The following MTMR9 variants were observed in gnomAD, a reference collection of about 807,000 sequenced individuals.
The protein encoded by MTMR9 is myotubularin-related protein 9.
Under a neutral mutation model 69.5 loss-of-function variants are expected in MTMR9, and 39 were observed. That is an observed-to-expected ratio of 0.56 (90% CI 0.43 to 0.73). The LOEUF (loss-of-function observed/expected upper bound fraction) is 0.73, where lower values mean the gene tolerates loss of function less well. MTMR9 is among the 30% of genes least tolerant of loss of function. MTMR9 has a pLI of 0.00. For missense variants in MTMR9, 900 were observed against 671.2 expected (o/e 1.34, Z -3.77); for synonymous variants, 354 against 240.8 (o/e 1.47, Z -4.35).
Position 11,314,986 on chromosome 8 carries a change from C to T in MTMR9, c.1035C>T (p.Ser345=), listed in dbSNP as rs1185283527. The T allele has an allele frequency of 6.2e-7, 1 of 1,614,074 alleles. No homozygotes were observed. The highest frequency in any genetic ancestry group is 8.5e-7 in the Non-Finnish European group (1 of 1,179,946). The change falls in exon 7 of 10, where the codon TCC becomes TCT. Residue 345 remains serine, a synonymous_variant. Transcript: ENST00000221086. The stretch of plus-strand genomic sequence containing the variant: ...CTGATTCCACACTCCAGGTGACCTC[C>T]TTGGCCCAGATCATCTTAGAGCCAA... ...EGTDSTLQVT[S]LAQIILEPRS...
intron 3 of MTMR9, among the ~76,000 whole-genome samples, chr8:11,302,602 T>C (rs1799789767): frequency 6.6e-6 from 1 of 152,166 alleles, no homozygotes; most frequent in South Asian, 2.1e-4. Flanking sequence ...TGATAAAGGA[T>C]GGGTACCAAA....
At chr8:11,306,467 C>G in intron 5 of MTMR9, 60 bp downstream of exon 5, 1 of 1,458,504 alleles carries the variant, frequency 6.9e-7, no homozygotes, top group Non-Finnish European at 9.5e-7. Flanking sequence ...TGGGTAAGGC[C>G]TTAGCCATTT....
chr8:11,287,652 TAAATA>T (rs568081252), intron 1 of MTMR9, among the ~76,000 whole-genome samples: 392 of 143,658 alleles, frequency 2.7e-3, no homozygotes, highest in African/African-American at 0.01. Context: ...AGTCCAGAAA[TAAATA>T]TATATATTTA....
chr8:11,331,355 T>C, downstream of MTMR9: 2 of 1,613,974 alleles, frequency 1.2e-6, no homozygotes, highest in Admixed American at 1.7e-5. Flanking sequence ...ACCTCCCTAT[T>C]GCCCTGCTAC....
intron 4 of MTMR9, among the ~76,000 whole-genome samples, chr8:11,305,683 C>T (rs1032000364): frequency 2.6e-5 from 4 of 152,144 alleles, no homozygotes; most frequent in Middle Eastern, 3.2e-3. Flanking sequence ...TGGTAGAGGC[C>T]ACTGGAGAAT....
rs962749939 is a variant in MTMR9, at chr8:11,324,495, C to CATCTTAGTT, written c.*1708_*1716dup. The CATCTTAGTT allele has an allele frequency of 2.7e-5, 4 of 147,272 alleles. No homozygotes were observed. Among genetic ancestry groups the CATCTTAGTT allele is most frequent in the African/African-American group, 7.6e-5 (3 of 39,418 alleles). 9.1% of individuals were successfully genotyped at this position (147,272 alleles called of 1,614,324 possible). The stretch of plus-strand genomic sequence containing the variant: ...GTAGCTCTGCGTTGTGTGAAATGTC[C>CATCTTAGTT]ATCTTAGTTTTGTTAAAAAAAAAAA... On this transcript the variant is annotated 3_prime_UTR_variant, in exon 10 of 10. Coordinates refer to ENST00000221086, the MANE Select transcript of MTMR9 (RefSeq NM_015458.4).
chr8:11,303,575 C>A (rs1198319013), intron 3 of MTMR9, among the ~76,000 whole-genome samples: 1 of 151,806 alleles, frequency 6.6e-6, no homozygotes, highest in Non-Finnish European at 1.5e-5. Context: ...CTCCAGTTGC[C>A]CAGGCTGGAG....
intron 1 of MTMR9, 176 bp downstream of exon 1, chr8:11,285,246 G>A: frequency 6.8e-6 from 4 of 592,012 alleles, no homozygotes; most frequent in Non-Finnish European, 8.6e-6. Flanking sequence ...TGGAGGACCC[G>A]GTTTCCATTA....
rs761037701 is a variant in MTMR9 at position 11,314,943 on chromosome 8, T to C, written c.992T>C (p.Ile331Thr). The stretch of plus-strand genomic sequence containing the variant: ...ATCAGGGAAGGAGCATCAATATTGA[T>C]TCACGGAACAGAAGGAACTGATTCC... ...CIDREGASIL[I>T]HGTEGTDSTL... Residue 331 changes from isoleucine (I) to threonine (T), a missense_variant, in exon 7 of 10, where the codon ATT becomes ACT. Physicochemically the swap from Ile to Thr is moderately conservative, Grantham distance 89 (BLOSUM62 -1). Transcript: ENST00000221086. 6.2e-7 allele frequency: 1 copy of C among 1,613,864 alleles called. No homozygotes were observed. Among genetic ancestry groups the C allele is most frequent in the African/African-American group, 1.3e-5 (1 of 75,028 alleles).
chr8:11,333,706 G>C, the MTMR9 span, among the ~76,000 whole-genome samples: 1 of 152,166 alleles, frequency 6.6e-6, no homozygotes, highest in South Asian at 2.1e-4. Context: ...CTATGTTAGG[G>C]AGCTTGTTAC....
intron 2 of MTMR9, among the ~76,000 whole-genome samples, chr8:11,298,319 A>G (rs1014795757): frequency 2.6e-5 from 4 of 152,070 alleles, no homozygotes; most frequent in African/African-American, 9.7e-5. Flanking sequence ...TCAGACATGG[A>G]CGCTGGCTGT....
At position 11,319,836 on chromosome 8, in the gene MTMR9, A is replaced by G. The variant is rs746478033; in HGVS notation, c.1484A>G (p.Glu495Gly). 6.2e-7 allele frequency: 1 copy of G among 1,613,992 alleles called. No homozygotes were observed. Among genetic ancestry groups the G allele is most frequent in the Admixed American group, 1.7e-5 (1 of 59,988 alleles). The stretch of plus-strand genomic sequence containing the variant: ...GCTCCGCAGAGTCTTCCACTGTGGG[A>G]AGGTAAACCACGCATCCTTTGCAAA... ...SVAPQSLPLW[E>G]GIFLRWNRSS... Residue 495 changes from glutamate (E) to glycine (G), a missense_variant and splice_region_variant, in exon 9 of 10, where the codon GAA becomes GGA. Glu to Gly is a moderately conservative substitution (Grantham distance 98). Coordinates refer to ENST00000221086, the MANE Select transcript of MTMR9 (RefSeq NM_015458.4).
chr8:11,296,517 C>G (rs889468358), intron 2 of MTMR9, among the ~76,000 whole-genome samples: 9 of 152,174 alleles, frequency 5.9e-5, no homozygotes, highest in African/African-American at 1.9e-4. Flanking sequence ...GATCGAAACT[C>G]TGTGTTAAAC....
In MTMR9 at chr8:11,324,865, G is replaced by C. The variant is rs1800857869; in HGVS notation, c.*2077G>C. 6.6e-6 allele frequency: 1 copy of C among 152,292 alleles called. No homozygotes were observed. The highest frequency in any genetic ancestry group is 2.1e-4 in the South Asian group (1 of 4,822). 9.4% of individuals were successfully genotyped at this position (152,292 alleles called of 1,614,324 possible). Reference sequence around the variant, plus strand: ...GAGCGAGACCCTGTGTCTAAGTAAAGAAAAAGCCAGAAGTGACTCCCACTG... The same window carrying C: ...GAGCGAGACCCTGTGTCTAAGTAAACAAAAAGCCAGAAGTGACTCCCACTG... On this transcript the variant is annotated 3_prime_UTR_variant, in exon 10 of 10. Transcript: ENST00000221086.
At position 11,284,879 on chromosome 8, in the gene MTMR9, G is replaced by C; in HGVS notation, c.-10G>C. ...CGGGCTCGGTTCCCTGGCTCCGGCC[G>C]CGGGGGAGCATGGAGTTTGCGGAGC... On this transcript the variant is annotated 5_prime_UTR_variant, in exon 1 of 10. Coordinates refer to ENST00000221086, the MANE Select transcript of MTMR9 (RefSeq NM_015458.4). The C allele has an allele frequency of 2.0e-6, 3 of 1,491,690 alleles. No individual in the cohort carries two copies. The highest frequency in any genetic ancestry group is 2.3e-5 in the African/African-American group (1 of 43,356). 92.4% of individuals were successfully genotyped at this position (1,491,690 alleles called of 1,614,324 possible). A position where few individuals can be genotyped will look rare whatever the true frequency, so the allele number is the denominator to read the frequency against.
intron 5 of MTMR9, among the ~76,000 whole-genome samples, chr8:11,306,915 T>A (rs918979810): frequency 6.6e-6 from 1 of 152,134 alleles, no homozygotes; most frequent in South Asian, 2.1e-4. Context: ...CATTCTACTC[T>A]CTGTTTCTAT....
chr8:11,286,377 T>G (rs1799155428), intron 1 of MTMR9, among the ~76,000 whole-genome samples: 1 of 151,592 alleles, frequency 6.6e-6, no homozygotes, highest in Non-Finnish European at 1.5e-5. Context: ...TATAAAGTCT[T>G]CAGTGGGCCC....
the MTMR9 span, among the ~76,000 whole-genome samples, chr8:11,334,379 G>A: frequency 6.6e-5 from 10 of 152,152 alleles, no homozygotes; most frequent in East Asian, 1.9e-4. Flanking sequence ...AACAAAGGGC[G>A]TGGGACAGAG....
intron 1 of MTMR9, among the ~76,000 whole-genome samples, chr8:11,291,975 CTG>C (rs1056487587): frequency 5.9e-5 from 9 of 152,248 alleles, no homozygotes; most frequent in African/African-American, 2.2e-4. Context: ...CACCCTGAAA[CTG>C]TCACCATAAG....
Sources: allele counts gnomAD v4.1 joint callset (sites outside exome capture counted in the v4.1 genomes callset), GRCh38; gene constraint gnomAD v4.1.1; transcripts MANE v1.5; gene names NCBI Gene and HGNC (gene_info 2026-07-23, HGNC 2026-07-21).